The following PHIP variants were observed in gnomAD, a reference collection of about 807,000 sequenced individuals.
PHIP encodes PH-interacting protein.
PHIP carries 54 observed loss-of-function variants against 236.8 expected under a neutral mutation model. The ratio of observed to expected loss-of-function variants is 0.23; its 90% CI spans 0.18 to 0.29. The LOEUF (loss-of-function observed/expected upper bound fraction) is 0.29, where lower values mean the gene tolerates loss of function less well. Among genes scored for constraint, PHIP ranks in the 10% least tolerant of loss-of-function variants. The pLI, the probability that PHIP is intolerant of heterozygous loss-of-function variation, is 1.00. For missense variants in PHIP, 1,370 were observed against 2,190.8 expected (o/e 0.63, Z 7.48); for synonymous variants, 756 against 718.9 (o/e 1.05, Z -0.83).
intron 14 of PHIP, among the ~76,000 whole-genome samples, chr6:79,015,423 AT>A (rs1770789564): frequency 6.6e-6 from 1 of 151,656 alleles, no homozygotes; most frequent in Admixed American, 6.6e-5. Context: ...ATCTTTTCAT[AT>A]TAAAAAAACA....
chr6:78,996,348 A>G (rs1193635132), intron 19 of PHIP, among the ~76,000 whole-genome samples: 2 of 152,196 alleles, frequency 1.3e-5, no homozygotes, highest in Non-Finnish European at 2.9e-5. Context: ...GTGGAATATT[A>G]CTTTTTGTTA....
chr6:78,941,432 A>T, intron 39 of PHIP, 102 bp from the exon 40 acceptor site: 1 of 650,954 alleles, frequency 1.5e-6, no homozygotes, highest in South Asian at 2.6e-5. Flanking sequence ...ATGTAATGAC[A>T]TAATCCAAAT....
chr6:78,955,041 T>C (rs1766323895), intron 34 of PHIP, 78 bp from the exon 35 acceptor site: 3 of 1,014,592 alleles, frequency 3.0e-6, no homozygotes, highest in African/African-American at 3.3e-5. Flanking sequence ...TAGTCTTAGA[T>C]AATTGGGTAA....
intron 7 of PHIP, among the ~76,000 whole-genome samples, chr6:79,042,070 C>A (rs1437133315): frequency 2.0e-5 from 3 of 152,070 alleles, no homozygotes; most frequent in East Asian, 1.9e-4. Flanking sequence ...AAATTAAAAA[C>A]CTTGTGAATG....
intron 7 of PHIP, among the ~76,000 whole-genome samples, chr6:79,037,161 A>G (rs932138371): frequency 6.6e-6 from 1 of 151,986 alleles, no homozygotes; most frequent in Non-Finnish European, 1.5e-5. Flanking sequence ...AAACCCATAT[A>G]CACTATATTT....
chr6:79,025,029 T>C (rs191218842), intron 9 of PHIP, among the ~76,000 whole-genome samples: 3 of 152,288 alleles, frequency 2.0e-5, no homozygotes, highest in Admixed American at 2.0e-4. Flanking sequence ...CAAAATGTTA[T>C]TATGGGGAGG....
chr6:79,031,884 C>T (rs1198420423), intron 7 of PHIP, among the ~76,000 whole-genome samples: 1 of 152,090 alleles, frequency 6.6e-6, no homozygotes, highest in Non-Finnish European at 1.5e-5. Context: ...CCTTTAAAAA[C>T]TTCAACATTC....
chr6:78,977,756 G>A (rs1051495854), intron 24 of PHIP, among the ~76,000 whole-genome samples: 30 of 152,146 alleles, frequency 2.0e-4, no homozygotes, highest in African/African-American at 7.2e-4. Context: ...TCACAACAAT[G>A]TGGTAATGTT....
chr6:78,949,885 T>A (rs1356809657), intron 35 of PHIP, among the ~76,000 whole-genome samples: 1 of 152,054 alleles, frequency 6.6e-6, no homozygotes, highest in Non-Finnish European at 1.5e-5. Context: ...GACGGGGTTT[T>A]GCCATATTGC....
intron 17 of PHIP, among the ~76,000 whole-genome samples, 169 bp downstream of exon 17, chr6:79,001,730 A>G (rs1770009521): frequency 6.6e-6 from 1 of 152,150 alleles, no homozygotes; most frequent in Non-Finnish European, 1.5e-5. Context: ...CCCATGTTCC[A>G]TAATTAACTT....
intron 18 of PHIP, 24 bp from the exon 19 acceptor site, chr6:78,997,621 A>G (rs1366098359): frequency 8.3e-6 from 13 of 1,569,258 alleles, no homozygotes; most frequent in Non-Finnish European, 1.1e-5. Flanking sequence ...TTACTATATT[A>G]AGTTCTACTT....
intron 7 of PHIP, among the ~76,000 whole-genome samples, chr6:79,036,921 CAAAAAAAAAAA>C (rs34875528): frequency 0.011 from 436 of 38,988 alleles, 14 homozygotes; most frequent in African/African-American, 0.04. Context: ...GACTCCGTCT[CAAAAAAAAAAA>C]AAAAAAAAAA....
intron 34 of PHIP, 58 bp downstream of exon 34, chr6:78,955,174 G>T (rs981461915): frequency 3.4e-6 from 4 of 1,174,032 alleles, no homozygotes; most frequent in Non-Finnish European, 4.9e-6. Context: ...AATAAAGAAA[G>T]CTCTTAATAC....
intron 4 of PHIP, among the ~76,000 whole-genome samples, chr6:79,070,596 T>C (rs919110663): frequency 2.6e-5 from 4 of 152,260 alleles, no homozygotes; most frequent in African/African-American, 9.6e-5. Flanking sequence ...AGAGACCAAA[T>C]AGACCATGAC....
At chr6:79,038,847 T>C (rs1772071215) in intron 7 of PHIP, among the ~76,000 whole-genome samples, 1 of 152,212 alleles carries the variant, frequency 6.6e-6, no homozygotes. Flanking sequence ...ACGTTTCACC[T>C]TCACAAACTT....
chr6:78,943,530 T>C (rs1490719878), intron 39 of PHIP, among the ~76,000 whole-genome samples: 1 of 152,196 alleles, frequency 6.6e-6, no homozygotes. Context: ...GCAAAGCATT[T>C]TGGTTATTCA....
At chr6:78,970,993 T>A (rs1767499208) in intron 24 of PHIP, 105 bp from the exon 25 acceptor site, 1 of 707,310 alleles carries the variant, frequency 1.4e-6, no homozygotes, top group Admixed American at 3.3e-5. Flanking sequence ...CCTTTTCAGC[T>A]AATAGAAATT....
Position 78,940,953 on chromosome 6 carries a change from T to C in PHIP, c.5206A>G (p.Lys1736Glu), listed in dbSNP as rs1480874992. ...TTTCGGTTACTTCTCCTTAACACTTTGACACTTGCAGGGACTAGGAGATCT... is the reference window on the plus strand; with the variant it reads ...TTTCGGTTACTTCTCCTTAACACTTCGACACTTGCAGGGACTAGGAGATCT... ...DADLLVPASV[K>E]VLRRSNRKKI... is the part of the protein sequence containing the mutation. The change falls in exon 40 of 40, where the codon AAA (lysine) becomes GAA (glutamate). Residue 1736 changes from lysine (K) to glutamate (E), a missense_variant. Lys to Glu is a moderately conservative substitution (Grantham distance 56, BLOSUM62 1). Transcript: ENST00000275034. 1 of 1,613,990 alleles carries C rather than the reference T, an allele frequency of 6.2e-7. No individual in the cohort carries two copies. Among genetic ancestry groups the C allele is most frequent in the Non-Finnish European group, 8.5e-7 (1 of 1,179,980 alleles).
chr6:78,940,288 A>C lies in PHIP; in HGVS notation c.*405T>G, dbSNP rs1179342291. On this transcript the variant is annotated 3_prime_UTR_variant, in exon 40 of 40. Coordinates refer to ENST00000275034, the MANE Select transcript of PHIP (RefSeq NM_017934.7). ...AATAGAAATGTACCTCACTTGGTCAAAAATAATTCATTTTAACATGAAATG... is the reference window on the plus strand; with the variant it reads ...AATAGAAATGTACCTCACTTGGTCACAAATAATTCATTTTAACATGAAATG... The C allele has an allele frequency of 6.6e-6, 1 of 151,926 alleles. No individual in the cohort carries two copies. Among genetic ancestry groups the C allele is most frequent in the Non-Finnish European group, 1.5e-5 (1 of 67,922 alleles). The allele number at this position is 151,926 out of a possible 1,614,324, so 9.4% of individuals were successfully genotyped here.
Sources: allele counts gnomAD v4.1 joint callset (sites outside exome capture counted in the v4.1 genomes callset), GRCh38; gene constraint gnomAD v4.1.1; transcripts MANE v1.5; gene names NCBI Gene and HGNC (gene_info 2026-07-23, HGNC 2026-07-21).